Variants in BCR observed in about 807,000 individuals in gnomAD.
The protein encoded by BCR is BCR activator of RhoGEF and GTPase, also known as breakpoint cluster region protein.
A neutral mutation model predicts 138.6 loss-of-function variants in BCR; 58 were observed. The ratio of observed to expected loss-of-function variants is 0.42; its 90% CI spans 0.34 to 0.52. The LOEUF (loss-of-function observed/expected upper bound fraction) is 0.52, where lower values mean the gene tolerates loss of function less well. BCR is among the 20% of genes least tolerant of loss of function. The probability of loss-of-function intolerance (pLI) is 0.06; values close to 1 mark genes in which losing one functional copy is unlikely to be tolerated. For synonymous variants in BCR, 786 were observed against 730.1 expected (o/e 1.08, Z -1.23); for missense variants, 1,599 against 1,727.2 (o/e 0.93, Z 1.32).
rs1299312257 is a variant in BCR, at chr22:23,312,980, T to G, written c.3416T>G (p.Leu1139Arg). The G allele has an allele frequency of 1.9e-6, 3 of 1,591,000 alleles. No homozygotes were observed. The highest frequency in any genetic ancestry group is 2.6e-6 in the Non-Finnish European group (3 of 1,175,202). ...TACTTCCGTGAGCTGCCCGAGCCCC[T>G]CTTCACTGACGAGTTCTACCCCAAC... ...KLYFRELPEP[L>R]FTDEFYPNFA... Residue 1139 changes from leucine (L) to arginine (R), a missense_variant, in exon 20 of 23, where the codon CTC becomes CGC. Leu to Arg is a moderately radical substitution (Grantham distance 102). Around this residue, in one of 4 missense-constraint regions of BCR, gnomAD observed 177 missense variants for 226.4 expected, o/e 0.78. Transcript: ENST00000305877.
intron 8 of BCR, among the ~76,000 whole-genome samples, chr22:23,277,558 T>A (rs1336525764): frequency 2.0e-5 from 3 of 152,164 alleles, no homozygotes; most frequent in African/African-American, 7.2e-5. Flanking sequence ...GTTGGGGCTG[T>A]TTCTGTCTTC....
At chr22:23,196,173 A>AT (rs1401455856) in intron 1 of BCR, among the ~76,000 whole-genome samples, 3 of 152,194 alleles carry the variant, frequency 2.0e-5, no homozygotes, top group African/African-American at 7.2e-5. Context: ...AGTGTTTTAT[A>AT]AGTGGCAGAG....
At chr22:23,280,885 G>A (rs1038450457) in intron 8 of BCR, among the ~76,000 whole-genome samples, 3 of 152,198 alleles carry the variant, frequency 2.0e-5, no homozygotes, top group African/African-American at 7.2e-5. Context: ...GCACACACAG[G>A]GACCCATGCC....
At chr22:23,299,750 GT>G (rs1429297940) in intron 16 of BCR, among the ~76,000 whole-genome samples, 1 of 151,380 alleles carries the variant, frequency 6.6e-6, no homozygotes, top group African/African-American at 2.4e-5. Context: ...AGCAAGTACT[GT>G]TACATGCACT....
At chr22:23,286,175 C>G (rs1178599928) in intron 10 of BCR, among the ~76,000 whole-genome samples, 2 of 152,246 alleles carry the variant, frequency 1.3e-5, no homozygotes, top group African/African-American at 4.8e-5. Flanking sequence ...GGCCCAGGCC[C>G]AGGTGGCAGT....
At chr22:23,308,304 T>A (rs73152677) in intron 16 of BCR, among the ~76,000 whole-genome samples, 1 of 152,208 alleles carries the variant, frequency 6.6e-6, no homozygotes, top group Non-Finnish European at 1.5e-5. Flanking sequence ...GGTGTTTTTT[T>A]TGTTTTTGCT....
intron 5 of BCR, among the ~76,000 whole-genome samples, chr22:23,268,994 T>C (rs950238428): frequency 2.2e-4 from 33 of 152,304 alleles, no homozygotes; most frequent in African/African-American, 7.5e-4. Flanking sequence ...TGTGGACCCA[T>C]GTGGGGAGCA....
At chr22:23,289,272 A>G (rs1342335084) in intron 12 of BCR, among the ~76,000 whole-genome samples, 2 of 152,026 alleles carry the variant, frequency 1.3e-5, no homozygotes, top group Non-Finnish European at 2.9e-5. Flanking sequence ...GTAGCGTGGG[A>G]TGTGTGTGTT....
At chr22:23,224,587 A>G (rs1235679917) in intron 1 of BCR, among the ~76,000 whole-genome samples, 3 of 152,178 alleles carry the variant, frequency 2.0e-5, no homozygotes, top group Admixed American at 2.0e-4. Context: ...ACACCCTCCA[A>G]AACCTGCTGA....
At chr22:23,286,967 T>C (rs1271618808) in intron 10 of BCR, among the ~76,000 whole-genome samples, 192 bp from the exon 11 acceptor site, 1 of 152,206 alleles carries the variant, frequency 6.6e-6, no homozygotes, top group Non-Finnish European at 1.5e-5. Flanking sequence ...GCCTTGACCC[T>C]GTAAAAAAGC....
intron 16 of BCR, among the ~76,000 whole-genome samples, chr22:23,299,694 T>TTATATATATATA: frequency 6.9e-6 from 1 of 145,926 alleles, no homozygotes; most frequent in African/African-American, 2.5e-5. Flanking sequence ...GATCTAGAGT[T>TTATATATATATA]TATATATATA....
At chr22:23,209,276 C>T (rs1281214054) in intron 1 of BCR, among the ~76,000 whole-genome samples, 2 of 151,926 alleles carry the variant, frequency 1.3e-5, no homozygotes, top group African/African-American at 4.8e-5. Flanking sequence ...AGGAGAATCG[C>T]TTGAGCCCCA....
intron 1 of BCR, among the ~76,000 whole-genome samples, chr22:23,221,821 G>A (rs1356564034): frequency 6.6e-6 from 1 of 152,218 alleles, no homozygotes; most frequent in Non-Finnish European, 1.5e-5. Flanking sequence ...GATGGACTCA[G>A]TGGCTCACAC....
chr22:23,273,066 C>CCT lies in BCR; in HGVS notation c.1922-7_1922-6dup. On this transcript the variant is annotated splice_polypyrimidine_tract_variant and intron_variant, in intron 6 of 22. Transcript: ENST00000305877. ...TCCATGTGCAACCTCTCTCACCTCC[C>CCT]CTCTCTCTCCACAGCTCTGCTCTAC... The CCT allele has an allele frequency of 6.2e-7, 1 of 1,611,462 alleles. No individual in the cohort carries two copies. The highest frequency in any genetic ancestry group is 1.1e-5 in the South Asian group (1 of 91,040).
At chr22:23,271,117 G>C (rs2073504804) in intron 5 of BCR, among the ~76,000 whole-genome samples, 1 of 152,266 alleles carries the variant, frequency 6.6e-6, no homozygotes, top group Non-Finnish European at 1.5e-5. Flanking sequence ...CTGTGTCAGA[G>C]GATCTCAGCC....
intron 1 of BCR, among the ~76,000 whole-genome samples, chr22:23,247,373 A>T (rs5759662): frequency 0.19 from 28,998 of 152,082 alleles, 3,359 homozygotes; most frequent in East Asian, 0.54. Flanking sequence ...TCTGCTGATG[A>T]TCTCTGTGCT....
Position 23,281,483 on chromosome 22 carries a change from G to A in BCR, c.2116-2494G>A, listed in dbSNP as rs1053386543. On this transcript the variant is annotated intron_variant, in intron 8 of 22. Coordinates refer to ENST00000305877, the MANE Select transcript of BCR (RefSeq NM_004327.4). ...GGGGACCAGGCTGCTGAGCGCTTCC[G>A]AGAGGGACATCTCCTGGGCAGGGAG... 5.3e-5 allele frequency among the ~76,000 whole-genome samples: 8 copies of A among 152,370 alleles called. No individual in the cohort carries two copies. In the South Asian group the frequency reaches 6.2e-4, roughly 12 times the overall value.
intron 16 of BCR, among the ~76,000 whole-genome samples, chr22:23,295,380 C>G (rs2146312379): frequency 6.6e-6 from 1 of 152,274 alleles, no homozygotes; most frequent in South Asian, 2.1e-4. Context: ...TCGGCTCATT[C>G]CCAAAGGAAT....
chr22:23,222,509 G>C (rs1191866236), intron 1 of BCR, among the ~76,000 whole-genome samples: 1 of 152,222 alleles, frequency 6.6e-6, no homozygotes, highest in African/African-American at 2.4e-5. Context: ...AGGGGAAGTG[G>C]TTCCCGAGGA....
Sources: gnomAD v4.1 joint callset for allele counts (sites outside exome capture counted in the v4.1 genomes callset) on GRCh38, gnomAD v4.1.1 for gene constraint, gnomAD v4.1.1 regional missense constraint, MANE v1.5 for transcripts, NCBI Gene and HGNC (gene_info 2026-07-23, HGNC 2026-07-21) for gene names.